INTS7: variants seen among roughly 807,000 people sequenced by gnomAD.
The protein encoded by INTS7 is chromosome 1 open reading frame 73.
INTS7 carries 46 observed loss-of-function variants against 109.2 expected under a neutral mutation model. The ratio of observed to expected loss-of-function variants is 0.42; its 90% CI spans 0.33 to 0.54. The LOEUF is 0.54. INTS7 is among the 20% of genes least tolerant of loss of function. The pLI, the probability that INTS7 is intolerant of heterozygous loss-of-function variation, is 0.07. For missense variants in INTS7, 929 were observed against 1,132.4 expected, an observed-to-expected ratio of 0.82 and a Z score of 2.58; for synonymous variants, 412 against 402.9, an observed-to-expected ratio of 1.02 and a Z score of -0.27.
chr1:211,971,846 G>A (rs754501135), intron 13 of INTS7, among the ~76,000 whole-genome samples: 8 of 147,348 alleles, frequency 5.4e-5, no homozygotes, highest in Admixed American at 2.1e-4. Context: ...AACCTGGGAG[G>A]TGGAGGTTGC....
chr1:211,956,578 T>A (rs528046952), intron 16 of INTS7, among the ~76,000 whole-genome samples: 1 of 152,344 alleles, frequency 6.6e-6, no homozygotes, highest in East Asian at 1.9e-4. Flanking sequence ...AGATTTGTAA[T>A]GATGCCACTA....
At position 211,941,459 on chromosome 1, in the gene INTS7, A is replaced by C. The variant is rs1571831595; in HGVS notation, c.*365T>G. 5.0e-6 allele frequency: 1 copy of C among 198,236 alleles called. No individual in the cohort carries two copies. Among genetic ancestry groups the C allele is most frequent in the South Asian group, 1.0e-4 (1 of 10,008 alleles). The allele number at this position is 198,236 out of a possible 1,614,324, so 12.3% of individuals were successfully genotyped here. On this transcript the variant is annotated 3_prime_UTR_variant, in exon 20 of 20. Transcript: ENST00000366994. ...TGCAAGCTCCGCCTCCCAGGTTCAC[A>C]CCATTCTCCTGCCTCAGCCTCCCAA... is the stretch of plus-strand genomic sequence containing the variant.
Position 212,004,352 on chromosome 1 carries a change from A to C in INTS7, c.879+2287T>G, listed in dbSNP as rs968905705. The stretch of plus-strand genomic sequence containing the variant: ...GCAAAATTCTGTCTCAAAAAAACCC[A>C]AAAAACCTCCAATTAAATGCTGTTT... On this transcript the variant is annotated intron_variant, in intron 7 of 19. Transcript: ENST00000366994. Among the ~76,000 whole-genome samples, 9 of 152,138 alleles carry C rather than the reference A, an allele frequency of 5.9e-5. No individual in the cohort carries two copies. In the East Asian group the frequency reaches 9.6e-4, roughly 16 times the overall value.
At position 211,955,005 on chromosome 1, in the gene INTS7, G is replaced by A. The variant is rs562204437; in HGVS notation, c.2184-2304C>T. On this transcript the variant is annotated intron_variant, in intron 16 of 19. Coordinates refer to ENST00000366994, the MANE Select transcript of INTS7 (RefSeq NM_015434.4). ...CCTTGGGTAGTATGGCCATTTTCAC[G>A]ATACTGATTCTTCCTACCCATGAGC... is the stretch of plus-strand genomic sequence containing the variant. 9.0e-4 allele frequency among the ~76,000 whole-genome samples: 137 copies of A among 152,294 alleles called. 2 individuals are homozygous for A. The highest frequency in any genetic ancestry group is 2.7e-3 in the Admixed American group (41 of 15,296).
At chr1:211,951,619 T>C (rs573636516) in intron 17 of INTS7, among the ~76,000 whole-genome samples, 5 of 152,130 alleles carry the variant, frequency 3.3e-5, no homozygotes, top group Non-Finnish European at 7.4e-5. Context: ...ATGAGTGTTC[T>C]TAAAGAAGAG....
Position 211,994,571 on chromosome 1 carries a change from G to A in INTS7, c.880-6568C>T, listed in dbSNP as rs189549285. Among the ~76,000 whole-genome samples, 19 of 151,438 alleles carry A rather than the reference G, an allele frequency of 1.3e-4. No homozygotes were observed. In the East Asian group the frequency reaches 2.1e-3, roughly 17 times the overall value. Reference sequence around the variant, plus strand: ...CCTGAGTAGCTGGGATTACAGGTGCGTACCACCACACCCAGTTACTTTTTG... The same window carrying A: ...CCTGAGTAGCTGGGATTACAGGTGCATACCACCACACCCAGTTACTTTTTG... On this transcript the variant is annotated intron_variant, in intron 7 of 19. Coordinates refer to ENST00000366994, the MANE Select transcript of INTS7 (RefSeq NM_015434.4).
At chr1:211,991,354 T>C (rs555353077) in intron 7 of INTS7, among the ~76,000 whole-genome samples, 40 of 152,328 alleles carry the variant, frequency 2.6e-4, no homozygotes, top group African/African-American at 9.1e-4. Flanking sequence ...ACTGAAATAT[T>C]TGAGTCTCAA....
chr1:211,977,606 C>T (rs1466939542), intron 11 of INTS7, among the ~76,000 whole-genome samples: 1 of 152,192 alleles, frequency 6.6e-6, no homozygotes, highest in East Asian at 1.9e-4. Context: ...TTCCCACATT[C>T]TAAATTAAGA....
Position 212,035,517 on chromosome 1 carries a change from T to G in INTS7, c.-80A>C. The G allele has an allele frequency of 1.8e-6, 2 of 1,109,920 alleles. No homozygotes were observed. The allele number at this position is 1,109,920 out of a possible 1,614,324, so 68.8% of individuals were successfully genotyped here. ...GGACCGCCATCTTCCCCCGCCGCCT[T>G]CTTGCTGGTTTTTCTTCCGCGCGCT... On this transcript the variant is annotated 5_prime_UTR_variant, in exon 1 of 20. Transcript: ENST00000366994.
chr1:211,942,460 C>T lies in INTS7; in HGVS notation c.2602-349G>A, dbSNP rs920892241. 1.8e-4 allele frequency among the ~76,000 whole-genome samples: 27 copies of T among 152,134 alleles called. No homozygotes were observed. Among genetic ancestry groups the T allele is most frequent in the African/African-American group, 6.0e-4 (25 of 41,428 alleles). ...GGCCTTTCTTCCTTGCTTACTCAACCCCATCTCTAAATCCCTATCTTCCTT... is the reference window on the plus strand; with the variant it reads ...GGCCTTTCTTCCTTGCTTACTCAACTCCATCTCTAAATCCCTATCTTCCTT... On this transcript the variant is annotated intron_variant, in intron 19 of 19. Coordinates refer to ENST00000366994, the MANE Select transcript of INTS7 (RefSeq NM_015434.4). The surrounding 1 kb of genome is among the most constrained non-coding windows in gnomAD (Gnocchi z 4.2).
At chr1:211,970,629 G>A (rs1005871227) in intron 13 of INTS7, among the ~76,000 whole-genome samples, 1 of 152,040 alleles carries the variant, frequency 6.6e-6, no homozygotes, top group African/African-American at 2.4e-5. Context: ...AAAACTAGTA[G>A]GAAAATGAGC....
chr1:211,978,548 G>A (rs1452248123), intron 10 of INTS7, 37 bp from the exon 11 acceptor site: 5 of 1,611,388 alleles, frequency 3.1e-6, no homozygotes, highest in African/African-American at 1.3e-5. Context: ...GTTACATTTT[G>A]AAGATACAGA....
intron 19 of INTS7, among the ~76,000 whole-genome samples, chr1:211,944,210 T>C (rs1304651704): frequency 6.6e-6 from 1 of 152,136 alleles, no homozygotes; most frequent in African/African-American, 2.4e-5. Flanking sequence ...TTGGGTGGGT[T>C]AGGGAGACAC....
intron 16 of INTS7, among the ~76,000 whole-genome samples, chr1:211,955,229 T>C (rs1663308927): frequency 6.6e-6 from 1 of 152,212 alleles, no homozygotes; most frequent in East Asian, 1.9e-4. Flanking sequence ...CTTGTGATTT[T>C]TGTACATTGA....
Position 212,035,508 on chromosome 1 carries a change from C to T in INTS7, c.-71G>A. 2 of 1,143,374 alleles carry T rather than the reference C, an allele frequency of 1.7e-6. No homozygotes were observed. Among genetic ancestry groups the T allele is most frequent in the Non-Finnish European group, 1.3e-6 (1 of 753,932 alleles). The allele number at this position is 1,143,374 out of a possible 1,614,324, so 70.8% of individuals were successfully genotyped here. On this transcript the variant is annotated 5_prime_UTR_variant, in exon 1 of 20. Transcript: ENST00000366994. Reference sequence around the variant, plus strand: ...TCTACCCCAGGACCGCCATCTTCCCCCGCCGCCTTCTTGCTGGTTTTTCTT... The same window carrying T: ...TCTACCCCAGGACCGCCATCTTCCCTCGCCGCCTTCTTGCTGGTTTTTCTT...
chr1:211,992,864 A>G (rs537162681), intron 7 of INTS7, among the ~76,000 whole-genome samples: 1 of 152,158 alleles, frequency 6.6e-6, no homozygotes, highest in Non-Finnish European at 1.5e-5. Context: ...TTTTCATAAC[A>G]AAAAGGAAAA....
In INTS7 at chr1:212,016,994, G is replaced by A; in HGVS notation, c.401C>T (p.Pro134Leu). 1 of 1,599,326 alleles carries A rather than the reference G, an allele frequency of 6.3e-7. No individual in the cohort carries two copies. The highest frequency in any genetic ancestry group is 8.5e-7 in the Non-Finnish European group (1 of 1,174,288). The change falls in exon 4 of 20, where the codon CCT becomes CTT. Residue 134 changes from proline (P) to leucine (L), a missense_variant. Pro to Leu is a moderately conservative substitution (Grantham distance 98). Around this residue, in one of 2 missense-constraint regions of INTS7, gnomAD observed 142 missense variants for 231.4 expected, o/e 0.61. Transcript: ENST00000366994. ...ACTATGATGAGCATTCTTCCTCTCA[G>A]GAATTATTGATGCCAGACTTCCCAA... ...RMLGSLASII[P>L]ERKNAHHSIR...
At chr1:211,999,575 A>C (rs902199679) in intron 7 of INTS7, among the ~76,000 whole-genome samples, 6 of 152,184 alleles carry the variant, frequency 3.9e-5, no homozygotes, top group Non-Finnish European at 7.3e-5. Flanking sequence ...AACCTAGAAA[A>C]GTTTCTGTAA....
In INTS7 at chr1:212,026,448, T is replaced by G. The variant is rs558533542; in HGVS notation, c.95-5236A>C. On this transcript the variant is annotated intron_variant, in intron 1 of 19. Coordinates refer to ENST00000366994, the MANE Select transcript of INTS7 (RefSeq NM_015434.4). ...TAGAACACATCCCTCCTTCATCTGCTCCCTCCTCCCCTTCACCCTCTTACA... is the reference window on the plus strand; with the variant it reads ...TAGAACACATCCCTCCTTCATCTGCGCCCTCCTCCCCTTCACCCTCTTACA... 3.9e-5 allele frequency among the ~76,000 whole-genome samples: 6 copies of G among 152,238 alleles called. No homozygotes were observed. The East Asian group carries it at 1.2e-3, about 29-fold the overall frequency.
Sources: allele counts gnomAD v4.1 joint callset (sites outside exome capture counted in the v4.1 genomes callset), GRCh38; gene constraint gnomAD v4.1.1; regional missense constraint gnomAD v4.1.1; non-coding constraint Gnocchi (gnomAD v3.1); transcripts MANE v1.5; gene names NCBI Gene and HGNC (gene_info 2026-07-23, HGNC 2026-07-21).